The following RBFOX1 variants were observed in gnomAD, a reference collection of about 807,000 sequenced individuals.
RBFOX1 encodes RNA binding protein fox-1 homolog 1.
In RBFOX1, 8 loss-of-function variants were observed where a neutral mutation model predicts 57.7. The ratio of observed to expected loss-of-function variants is 0.14; its 90% CI spans 0.08 to 0.25. RBFOX1 has a LOEUF of 0.25. Ranked by LOEUF, RBFOX1 falls within the 10% of genes least tolerant of loss-of-function variation. The pLI is 1.00. For synonymous variants in RBFOX1, 326 were observed against 222.4 expected, an observed-to-expected ratio of 1.47 and a Z score of -4.15; for missense variants, 611 against 548.5, an observed-to-expected ratio of 1.11 and a Z score of -1.14.
At chr16:7,054,981 A>T (rs1006566606) in intron 4 of RBFOX1, among the ~76,000 whole-genome samples, 2 of 152,178 alleles carry the variant, frequency 1.3e-5, no homozygotes, top group African/African-American at 4.8e-5. Context: ...GGCGTATCCA[A>T]TACTTGGTGT....
intron 3 of RBFOX1, among the ~76,000 whole-genome samples, chr16:6,730,525 A>C (rs570762931): frequency 6.6e-6 from 1 of 152,238 alleles, no homozygotes; most frequent in South Asian, 2.1e-4. Flanking sequence ...TGTCTACCTA[A>C]TCTGTCTATC....
chr16:5,328,009 C>A (rs551200619), intron 1 of RBFOX1, among the ~76,000 whole-genome samples: 1 of 152,156 alleles, frequency 6.6e-6, no homozygotes, highest in African/African-American at 2.4e-5. Context: ...GAGCTGAAGA[C>A]CCCGTGTAGT....
At chr16:6,258,359 C>G (rs2097681561) in intron 1 of RBFOX1, among the ~76,000 whole-genome samples, 1 of 152,174 alleles carries the variant, frequency 6.6e-6, no homozygotes, top group African/African-American at 2.4e-5. Flanking sequence ...GAGATCATAT[C>G]ATTTACTCAA....
At chr16:7,122,024 A>C (rs949332258) in intron 4 of RBFOX1, among the ~76,000 whole-genome samples, 3 of 152,098 alleles carry the variant, frequency 2.0e-5, no homozygotes, top group South Asian at 2.1e-4. Context: ...TCATAGATCT[A>C]AATATAAAAC....
At chr16:7,332,610 G>C in intron 4 of RBFOX1, 1 of 240,386 alleles carries the variant, frequency 4.2e-6, no homozygotes, top group Non-Finnish European at 7.1e-6. Context: ...AAATTCAGTA[G>C]GATGAGCTTA....
chr16:7,295,649 G>C (rs796200900), intron 4 of RBFOX1, among the ~76,000 whole-genome samples: 14 of 152,096 alleles, frequency 9.2e-5, no homozygotes, highest in African/African-American at 3.1e-4. Context: ...GACTCCAAAA[G>C]GTGTACTGCT....
chr16:7,147,115 G>A (rs2075156765), intron 4 of RBFOX1, among the ~76,000 whole-genome samples: 2 of 137,460 alleles, frequency 1.5e-5, no homozygotes, highest in South Asian at 2.7e-4. Context: ...GAATAGCTGG[G>A]ATTGCAGGTG....
At chr16:5,914,416 A>C (rs567341475) in intron 4 of RBFOX1, among the ~76,000 whole-genome samples, 1 of 152,260 alleles carries the variant, frequency 6.6e-6, no homozygotes, top group South Asian at 2.1e-4. Flanking sequence ...CTGAATCCTG[A>C]CTGAGGCTAG....
chr16:7,282,954 T>G (rs1243089317), intron 4 of RBFOX1, among the ~76,000 whole-genome samples: 2 of 152,174 alleles, frequency 1.3e-5, no homozygotes, highest in African/African-American at 4.8e-5. Flanking sequence ...GTGTGTGTGT[T>G]TGTGTATCTG....
rs1009566105 is a variant in RBFOX1 at position 6,145,006 on chromosome 16, C to A, written c.-127+125014C>A. On this transcript the variant is annotated intron_variant, in intron 1 of 15. Transcript: ENST00000550418. ...TACAAGCCAGTGAGATAAGACCCTG[C>A]ATTTTATTTTTTTTAATCATAGTAT... Among the ~76,000 whole-genome samples the A allele has an allele frequency of 3.3e-5, 5 of 152,110 alleles. No homozygotes were observed. In the East Asian group the frequency reaches 9.7e-4, roughly 29 times the overall value.
chr16:5,468,234 T>C (rs2069014598), intron 2 of RBFOX1, among the ~76,000 whole-genome samples: 1 of 152,216 alleles, frequency 6.6e-6, no homozygotes, highest in African/African-American at 2.4e-5. Flanking sequence ...AAATGAACAA[T>C]TGAGAAGTAT....
chr16:6,994,915 C>T (rs1650013340), intron 3 of RBFOX1, among the ~76,000 whole-genome samples: 1 of 150,958 alleles, frequency 6.6e-6, no homozygotes, highest in South Asian at 2.1e-4. Context: ...AGAACATATC[C>T]CTGATTGGGC....
At chr16:6,810,981 C>A (rs1403067250) in intron 3 of RBFOX1, among the ~76,000 whole-genome samples, 1 of 152,104 alleles carries the variant, frequency 6.6e-6, no homozygotes, top group Non-Finnish European at 1.5e-5. Flanking sequence ...AAATGCTATT[C>A]CAGAACGGAT....
At chr16:7,416,906 A>G (rs56179902) in intron 4 of RBFOX1, among the ~76,000 whole-genome samples, 82,294 of 151,888 alleles carry the variant, frequency 0.54, 24,097 homozygotes, top group South Asian at 0.71. Flanking sequence ...TGTCCTTATT[A>G]TCCACATTTT....
At chr16:6,858,410 C>T (rs935960619) in intron 3 of RBFOX1, among the ~76,000 whole-genome samples, 1 of 152,080 alleles carries the variant, frequency 6.6e-6, no homozygotes, top group African/African-American at 2.4e-5. Flanking sequence ...GTTCTTTCTT[C>T]TTTAATTGTG....
chr16:7,376,449 A>T (rs1233023210), intron 4 of RBFOX1, among the ~76,000 whole-genome samples: 1 of 152,136 alleles, frequency 6.6e-6, no homozygotes, highest in Non-Finnish European at 1.5e-5. Flanking sequence ...AGGTTAAGTG[A>T]TTTTTGCCTG....
chr16:6,672,155 T>C (rs560004864), intron 3 of RBFOX1, among the ~76,000 whole-genome samples: 6 of 152,334 alleles, frequency 3.9e-5, no homozygotes, highest in South Asian at 4.1e-4. Context: ...TAGCTAGAAA[T>C]AGATACTTAT....
At chr16:5,904,282 T>C (rs1260520684) in intron 4 of RBFOX1, among the ~76,000 whole-genome samples, 1 of 152,120 alleles carries the variant, frequency 6.6e-6, no homozygotes, top group Non-Finnish European at 1.5e-5. Flanking sequence ...GAAATCTGCA[T>C]GCCACTTTAC....
At chr16:5,590,753 C>G (rs1185172389) in intron 2 of RBFOX1, among the ~76,000 whole-genome samples, 2 of 152,180 alleles carry the variant, frequency 1.3e-5, no homozygotes, top group African/African-American at 4.8e-5. Context: ...TCACACAGAT[C>G]AGTGGGATTT....
Sources: allele counts gnomAD v4.1 joint callset (sites outside exome capture counted in the v4.1 genomes callset), GRCh38; gene constraint gnomAD v4.1.1; transcripts MANE v1.5; gene names NCBI Gene and HGNC (gene_info 2026-07-23, HGNC 2026-07-21).